The following SPMIP7 variants were observed in gnomAD, a reference collection of about 807,000 sequenced individuals.
The protein encoded by SPMIP7 is protein SPMIP7.
At chr7:50,112,678 T>C in the SPMIP7 span, among the ~76,000 whole-genome samples, 1 of 152,078 alleles carries the variant, frequency 6.6e-6, no homozygotes, top group Non-Finnish European at 1.5e-5. Flanking sequence ...CTGGGATCTC[T>C]AAAGAAGGGA....
chr7:50,112,315 A>G, the SPMIP7 span, among the ~76,000 whole-genome samples: 1 of 152,170 alleles, frequency 6.6e-6, no homozygotes, highest in Non-Finnish European at 1.5e-5. Context: ...GCAGTGGAAC[A>G]GAATGTGTTA....
At chr7:50,111,596 C>G in the SPMIP7 span, among the ~76,000 whole-genome samples, 1 of 152,184 alleles carries the variant, frequency 6.6e-6, no homozygotes, top group East Asian at 1.9e-4. Flanking sequence ...TTCACACATG[C>G]AAACTTCGAG....
the SPMIP7 span, among the ~76,000 whole-genome samples, chr7:50,118,869 G>T: frequency 1.3e-5 from 2 of 152,238 alleles, no homozygotes; most frequent in Admixed American, 1.3e-4. Flanking sequence ...CACCCCCAGT[G>T]GAAAACATCG....
the SPMIP7 span, among the ~76,000 whole-genome samples, chr7:50,149,179 T>C: frequency 6.6e-6 from 1 of 151,940 alleles, no homozygotes; most frequent in African/African-American, 2.4e-5. Flanking sequence ...GAGCCAGGCA[T>C]TGGTACCTTT....
At chr7:50,155,122 T>G in the SPMIP7 span, among the ~76,000 whole-genome samples, 1 of 152,200 alleles carries the variant, frequency 6.6e-6, no homozygotes, top group Non-Finnish European at 1.5e-5. Flanking sequence ...CCAAATATTT[T>G]CCCCCAGTCT....
the SPMIP7 span, among the ~76,000 whole-genome samples, chr7:50,100,743 C>A: frequency 5.3e-5 from 8 of 151,714 alleles, no homozygotes; most frequent in Admixed American, 4.6e-4. Flanking sequence ...ACCTGGTAGG[C>A]AGAGCTTGCA....
chr7:50,152,219 C>T, the SPMIP7 span, among the ~76,000 whole-genome samples: 5 of 152,004 alleles, frequency 3.3e-5, no homozygotes, highest in Non-Finnish European at 7.4e-5. Context: ...TGGTGGTGGG[C>T]ACCTGTAATC....
At chr7:50,125,510 G>A in the SPMIP7 span, among the ~76,000 whole-genome samples, 1 of 150,292 alleles carries the variant, frequency 6.7e-6, no homozygotes, top group African/African-American at 2.4e-5. Flanking sequence ...AGATACACAA[G>A]AGAAAAAATT....
the SPMIP7 span, among the ~76,000 whole-genome samples, chr7:50,127,544 T>C: frequency 6.6e-6 from 1 of 151,142 alleles, no homozygotes; most frequent in South Asian, 2.1e-4. Context: ...CTCAAACAAC[T>C]CTATAGCTAT....
At chr7:50,127,526 A>G in the SPMIP7 span, among the ~76,000 whole-genome samples, 9 of 151,448 alleles carry the variant, frequency 5.9e-5, no homozygotes, top group African/African-American at 2.2e-4. Flanking sequence ...CAGAATGTAT[A>G]TAAAGACCTC....
the SPMIP7 span, among the ~76,000 whole-genome samples, chr7:50,137,058 T>C: frequency 2.0e-5 from 3 of 152,292 alleles, no homozygotes; most frequent in South Asian, 4.1e-4. Flanking sequence ...TGCATTCTTA[T>C]AATTTTTTAA....
At chr7:50,141,421 T>C in the SPMIP7 span, 1 of 1,281,010 alleles carries the variant, frequency 7.8e-7, no homozygotes, top group Non-Finnish European at 1.1e-6. Flanking sequence ...TCACTTGTTT[T>C]ATTACTAAGG....
the SPMIP7 span, among the ~76,000 whole-genome samples, chr7:50,133,630 G>C: frequency 6.6e-6 from 1 of 152,102 alleles, no homozygotes; most frequent in Non-Finnish European, 1.5e-5. Context: ...ACTGTTTAGG[G>C]TTCCCTAAAG....
chr7:50,135,042 G>A, the SPMIP7 span, among the ~76,000 whole-genome samples: 1 of 152,006 alleles, frequency 6.6e-6, no homozygotes, highest in Non-Finnish European at 1.5e-5. Flanking sequence ...TCCTTTCTCT[G>A]CTGAGCTTCT....
chr7:50,136,180 C>T, the SPMIP7 span: 1 of 1,520,336 alleles, frequency 6.6e-7, no homozygotes, highest in Non-Finnish European at 8.9e-7. Flanking sequence ...GTTTTATCTC[C>T]TAAAGTTCTC....
chr7:50,099,651 T>C, the SPMIP7 span, among the ~76,000 whole-genome samples: 6 of 152,336 alleles, frequency 3.9e-5, 1 homozygote, highest in Middle Eastern at 6.8e-3. Context: ...TGCTCTGTGC[T>C]GAGGAGAGGG....
chr7:50,117,423 C>CA, the SPMIP7 span: 190 of 233,306 alleles, frequency 8.1e-4, 1 homozygote, highest in Middle Eastern at 1.4e-3. Flanking sequence ...TTGCACACTG[C>CA]AAAAAAAAAT....
the SPMIP7 span, among the ~76,000 whole-genome samples, chr7:50,107,605 A>G: frequency 2.9e-3 from 439 of 152,260 alleles, 3 homozygotes; most frequent in African/African-American, 9.8e-3. Context: ...AGTGAAAGTC[A>G]CAAAACTAGG....
chr7:50,132,258 CT>C, the SPMIP7 span, among the ~76,000 whole-genome samples: 1 of 152,076 alleles, frequency 6.6e-6, no homozygotes, highest in Non-Finnish European at 1.5e-5. Flanking sequence ...ATCCTCCATT[CT>C]TTTTCACCTC....
Sources: allele counts gnomAD v4.1 joint callset (sites outside exome capture counted in the v4.1 genomes callset), GRCh38; gene constraint gnomAD v4.1.1; transcripts MANE v1.5; gene names NCBI Gene and HGNC (gene_info 2026-07-23, HGNC 2026-07-21).